Variants in SLC24A2 observed in about 807,000 individuals in gnomAD.
SLC24A2 encodes the protein solute carrier family 24 member 2, also known as sodium/potassium/calcium exchanger 2.
Under a neutral mutation model 62.0 loss-of-function variants are expected in SLC24A2, and 36 were observed. That is an observed-to-expected ratio of 0.58 (90% CI 0.44 to 0.77). The LOEUF is 0.77. SLC24A2 is among the 30% of genes least tolerant of loss of function. The pLI is 0.00. For synonymous variants in SLC24A2, 358 were observed against 294.0 expected, an observed-to-expected ratio of 1.22 and a Z score of -2.23; for missense variants, 846 against 817.9, an observed-to-expected ratio of 1.03 and a Z score of -0.42.
At chr9:19,881,510 A>G in the SLC24A2 span, among the ~76,000 whole-genome samples, 1 of 152,196 alleles carries the variant, frequency 6.6e-6, no homozygotes, top group Admixed American at 6.5e-5. Context: ...AGTGTTACAG[A>G]CTTGTATCTT....
At chr9:20,276,557 T>C in the SLC24A2 span, among the ~76,000 whole-genome samples, 14 of 152,218 alleles carry the variant, frequency 9.2e-5, no homozygotes, top group African/African-American at 2.9e-4. Context: ...TCTACCATTC[T>C]GGGGTCTGGA....
chr9:19,728,125 T>A (rs1377253425), intron 2 of SLC24A2, among the ~76,000 whole-genome samples: 2 of 152,108 alleles, frequency 1.3e-5, no homozygotes, highest in Non-Finnish European at 2.9e-5. Context: ...GTCAGACACA[T>A]TATCCATGGC....
the SLC24A2 span, among the ~76,000 whole-genome samples, chr9:19,960,151 A>C: frequency 6.6e-6 from 1 of 152,160 alleles, no homozygotes; most frequent in African/African-American, 2.4e-5. Flanking sequence ...TGCCAACCAA[A>C]GTAAGAAATG....
chr9:20,241,518 T>G, the SLC24A2 span, among the ~76,000 whole-genome samples: 1 of 152,198 alleles, frequency 6.6e-6, no homozygotes, highest in Non-Finnish European at 1.5e-5. Context: ...TATTACTTAA[T>G]TGGGCTGTTG....
the SLC24A2 span, among the ~76,000 whole-genome samples, chr9:20,041,201 A>AG: frequency 7.0e-5 from 6 of 86,228 alleles, no homozygotes; most frequent in South Asian, 9.2e-4. Flanking sequence ...TGAGAAAAAG[A>AG]AAGAGAGATA....
chr9:20,219,469 G>A, the SLC24A2 span, among the ~76,000 whole-genome samples: 2 of 152,164 alleles, frequency 1.3e-5, no homozygotes, highest in African/African-American at 2.4e-5. Flanking sequence ...TCAAGACTAA[G>A]CCAATCTTGG....
the SLC24A2 span, among the ~76,000 whole-genome samples, chr9:20,165,439 G>A: frequency 6.6e-6 from 1 of 151,866 alleles, no homozygotes; most frequent in Non-Finnish European, 1.5e-5. Context: ...AATTAAAGGT[G>A]TGGTAATGGC....
At chr9:19,991,384 T>C in the SLC24A2 span, among the ~76,000 whole-genome samples, 1 of 152,176 alleles carries the variant, frequency 6.6e-6, no homozygotes, top group African/African-American at 2.4e-5. Context: ...TTCTGCCTGC[T>C]TTTATCCTAG....
At chr9:20,240,240 C>G in the SLC24A2 span, among the ~76,000 whole-genome samples, 1 of 152,172 alleles carries the variant, frequency 6.6e-6, no homozygotes, top group Non-Finnish European at 1.5e-5. Flanking sequence ...TGTAAATATT[C>G]TCTTAATTCA....
the SLC24A2 span, among the ~76,000 whole-genome samples, chr9:19,908,425 G>A: frequency 8.5e-5 from 13 of 152,122 alleles, no homozygotes; most frequent in East Asian, 2.5e-3. Context: ...ATAGGCATGG[G>A]CAAGGACTTC....
At chr9:19,916,091 G>A in the SLC24A2 span, among the ~76,000 whole-genome samples, 2 of 152,030 alleles carry the variant, frequency 1.3e-5, no homozygotes, top group East Asian at 1.9e-4. Context: ...TATAAATGGT[G>A]TGAGGTAGAG....
At chr9:19,898,505 G>T in the SLC24A2 span, among the ~76,000 whole-genome samples, 1 of 152,182 alleles carries the variant, frequency 6.6e-6, no homozygotes, top group Admixed American at 6.5e-5. Context: ...CACTTTGGGA[G>T]GCCAAGGCGG....
the SLC24A2 span, among the ~76,000 whole-genome samples, chr9:20,119,368 G>A: frequency 6.6e-6 from 1 of 151,956 alleles, no homozygotes; most frequent in Non-Finnish European, 1.5e-5. Flanking sequence ...TAAAATTTGA[G>A]TAAAAATATA....
chr9:19,692,379 T>C (rs1434031930), intron 2 of SLC24A2, among the ~76,000 whole-genome samples: 2 of 152,276 alleles, frequency 1.3e-5, no homozygotes, highest in East Asian at 3.9e-4. Context: ...TAGATTTTCT[T>C]TTGATTCATG....
At chr9:20,269,443 T>C in the SLC24A2 span, among the ~76,000 whole-genome samples, 1 of 152,284 alleles carries the variant, frequency 6.6e-6, no homozygotes. Flanking sequence ...CTGAACTTCC[T>C]TTCATTTCTC....
chr9:20,031,831 G>A, the SLC24A2 span, among the ~76,000 whole-genome samples: 4 of 152,102 alleles, frequency 2.6e-5, no homozygotes, highest in Admixed American at 2.0e-4. Flanking sequence ...CTGTAGGGGC[G>A]TTGGTGGGCT....
intron 5 of SLC24A2, among the ~76,000 whole-genome samples, chr9:19,584,447 T>C (rs921747921): frequency 2.0e-5 from 3 of 152,154 alleles, no homozygotes; most frequent in African/African-American, 7.2e-5. Flanking sequence ...CTCTGATGGA[T>C]GGTGGAGGCC....
At chr9:19,837,238 G>T in the SLC24A2 span, among the ~76,000 whole-genome samples, 6 of 151,296 alleles carry the variant, frequency 4.0e-5, no homozygotes, top group African/African-American at 1.5e-4. Flanking sequence ...GGATCATGAG[G>T]TCAGGAGATC....
the SLC24A2 span, among the ~76,000 whole-genome samples, chr9:20,049,427 CTAAA>C: frequency 6.6e-6 from 1 of 152,036 alleles, no homozygotes; most frequent in Non-Finnish European, 1.5e-5. Flanking sequence ...GTATACTAAA[CTAAA>C]TAGTTTAGTT....
Sources: gnomAD v4.1 joint callset for allele counts (sites outside exome capture counted in the v4.1 genomes callset) on GRCh38, gnomAD v4.1.1 for gene constraint, MANE v1.5 for transcripts, NCBI Gene and HGNC (gene_info 2026-07-23, HGNC 2026-07-21) for gene names.